Variants in DNAAF5 observed in about 807,000 individuals in gnomAD.
DNAAF5 encodes the protein dynein axonemal assembly factor 5.
In DNAAF5, 64 loss-of-function variants were observed where a neutral mutation model predicts 75.8. That is an observed-to-expected ratio of 0.84 (90% CI 0.69 to 1.04). The LOEUF (loss-of-function observed/expected upper bound fraction) is 1.04. Among genes scored for constraint, DNAAF5 ranks in the 50% least tolerant of loss-of-function variants. The pLI is 0.00. For missense variants in DNAAF5, 1,269 were observed against 1,178.5 expected (o/e 1.08, Z -1.12); for synonymous variants, 657 against 557.2 (o/e 1.18, Z -2.52).
intron 4 of DNAAF5, among the ~76,000 whole-genome samples, chr7:745,283 C>A (rs1057314066): frequency 2.6e-4 from 40 of 152,354 alleles, no homozygotes; most frequent in African/African-American, 8.2e-4. Context: ...GCAGGAATGG[C>A]AGTCCCCAAG....
At chr7:784,884 C>T (rs1779099695) in intron 12 of DNAAF5, among the ~76,000 whole-genome samples, 1 of 152,196 alleles carries the variant, frequency 6.6e-6, no homozygotes, top group African/African-American at 2.4e-5. Flanking sequence ...AGGCGATTTT[C>T]AGTTCTTTGA....
chr7:756,329 C>G (rs1466393299), intron 5 of DNAAF5, among the ~76,000 whole-genome samples: 3 of 134,762 alleles, frequency 2.2e-5, no homozygotes, highest in Non-Finnish European at 3.2e-5. Context: ...GTGTGATCCG[C>G]TGTGGAATCC....
At chr7:735,326 TG>T (rs1212116405) in intron 2 of DNAAF5, among the ~76,000 whole-genome samples, 1 of 150,264 alleles carries the variant, frequency 6.7e-6, no homozygotes, top group East Asian at 2.0e-4. Flanking sequence ...TAGTTCATGG[TG>T]TAGCTGCTCA....
Position 763,855 on chromosome 7 carries a change from G to C in DNAAF5, c.1664G>C (p.Cys555Ser). Reference protein sequence around the residue: ...SLAMVEGVSSCQDLYRKHIGP... With the variant: ...SLAMVEGVSSSQDLYRKHIGP... Reference sequence around the variant, plus strand: ...GCCATGGTGGAGGGTGTCAGCAGCTGCCAGGACCTCTACCGCAAGCACATT... The same window carrying C: ...GCCATGGTGGAGGGTGTCAGCAGCTCCCAGGACCTCTACCGCAAGCACATT... The change falls in exon 8 of 13, where the codon TGC becomes TCC. Residue 555 changes from cysteine to serine, a missense_variant. Cys to Ser is a moderately radical substitution (Grantham distance 112). Transcript: ENST00000297440. 2 of 1,613,416 alleles carry C rather than the reference G, an allele frequency of 1.2e-6. No individual in the cohort carries two copies. The highest frequency in any genetic ancestry group is 1.7e-6 in the Non-Finnish European group (2 of 1,180,038).
chr7:761,323 G>T (rs746921801), intron 6 of DNAAF5, among the ~76,000 whole-genome samples: 1 of 152,248 alleles, frequency 6.6e-6, no homozygotes, highest in Non-Finnish European at 1.5e-5. Context: ...AGCCCCGGGC[G>T]GGCTCTGTCG....
At chr7:744,405 T>G (rs1285357059) in intron 4 of DNAAF5, among the ~76,000 whole-genome samples, 1 of 152,236 alleles carries the variant, frequency 6.6e-6, no homozygotes, top group Non-Finnish European at 1.5e-5. Flanking sequence ...AACATACATG[T>G]GCCTGTGTCT....
intron 8 of DNAAF5, among the ~76,000 whole-genome samples, chr7:769,976 T>G (rs1311741696): frequency 6.6e-6 from 1 of 151,914 alleles, no homozygotes; most frequent in African/African-American, 2.4e-5. Context: ...TTTTGAGACA[T>G]AGTCTCACTT....
At chr7:774,024 C>T in intron 9 of DNAAF5, 24 bp from the exon 10 acceptor site, 1 of 1,613,972 alleles carries the variant, frequency 6.2e-7, no homozygotes, top group Non-Finnish European at 8.5e-7. Flanking sequence ...GTCTCCTCAT[C>T]CACCCTCTCC....
intron 1 of DNAAF5, 91 bp downstream of exon 1, chr7:727,406 G>A: frequency 1.6e-6 from 1 of 607,144 alleles, no homozygotes; most frequent in South Asian, 8.6e-5. Flanking sequence ...CCCGCGGCTC[G>A]GCCCCGCCCC....
At position 780,033 on chromosome 7, in the gene DNAAF5, G is replaced by A; in HGVS notation, c.2320G>A (p.Val774Ile). The change falls in exon 12 of 13, where the codon GTC (valine) becomes ATC (isoleucine). Residue 774 changes from valine (V) to isoleucine (I), a missense_variant. Physicochemically the swap from Val to Ile is conservative, Grantham distance 29. Transcript: ENST00000297440. The part of the protein sequence containing the change: ...ASTLVTWLQC[V>I]KGANAKSYYQ... Reference sequence around the variant, plus strand: ...CACCTTGGTCACCTGGCTGCAGTGTGTCAAGGGTGCCAACGCAAAATCCTA... The same window carrying A: ...CACCTTGGTCACCTGGCTGCAGTGTATCAAGGGTGCCAACGCAAAATCCTA... 10 of 1,614,228 alleles carry A rather than the reference G, an allele frequency of 6.2e-6. No homozygotes were observed. Among genetic ancestry groups the A allele is most frequent in the Non-Finnish European group, 8.5e-6 (10 of 1,180,026 alleles).
chr7:736,762 G>C lies in DNAAF5; in HGVS notation c.781-4057G>C, dbSNP rs77052714. Among the ~76,000 whole-genome samples, 711 of 152,094 alleles carry C rather than the reference G, an allele frequency of 4.7e-3. 42 individuals carry two copies. In the East Asian group the frequency reaches 0.13, roughly 27 times the overall value. On this transcript the variant is annotated intron_variant, in intron 2 of 12. Transcript: ENST00000297440. ...CGTTTTGTTGTTTTCTGGTTGTTTC[G>C]TGGTCTGCTCTTCCTTCCTTCTTGC...
intron 2 of DNAAF5, among the ~76,000 whole-genome samples, chr7:734,569 A>G (rs1781677733): frequency 6.6e-6 from 1 of 152,234 alleles, no homozygotes; most frequent in Non-Finnish European, 1.5e-5. Context: ...TGGTTCTGGT[A>G]TCAGGGTAGT....
intron 6 of DNAAF5, among the ~76,000 whole-genome samples, chr7:759,739 G>A (rs913424817): frequency 3.9e-5 from 6 of 152,126 alleles, no homozygotes; most frequent in Admixed American, 1.3e-4. Flanking sequence ...TGCTGCGTTC[G>A]TGGCAGGAGG....
intron 4 of DNAAF5, among the ~76,000 whole-genome samples, chr7:752,723 T>G (rs1201852883): frequency 6.6e-6 from 1 of 152,250 alleles, no homozygotes; most frequent in Non-Finnish European, 1.5e-5. Context: ...TAAAGCAATG[T>G]GTGGACTTCA....
chr7:770,845 C>T, intron 9 of DNAAF5: 1 of 485,938 alleles, frequency 2.1e-6, no homozygotes, highest in Non-Finnish European at 3.7e-6. Context: ...GGGTCCCCAC[C>T]TCCCTCCCCC....
intron 6 of DNAAF5, among the ~76,000 whole-genome samples, chr7:757,844 G>A (rs544244687): frequency 6.6e-5 from 10 of 152,254 alleles, no homozygotes; most frequent in East Asian, 1.9e-4. Context: ...GCTCCGGCTC[G>A]ATCGTTTCCG....
In DNAAF5 at chr7:775,101, C is replaced by T. The variant is rs886836312; in HGVS notation, c.2178C>T (p.Asn726=). ...GACTGATCTCATGCCGTATTATCAACACGTTCTTAAAAACCTCGGGCGGCA... is the reference window on the plus strand; with the variant it reads ...GACTGATCTCATGCCGTATTATCAATACGTTCTTAAAAACCTCGGGCGGCA... ...MTRLISCRII[N]TFLKTSGGMT... is the part of the protein sequence containing the mutation. The change falls in exon 11 of 13, where the codon AAC becomes AAT. Residue 726 remains asparagine (N), a synonymous_variant. Coordinates refer to ENST00000297440, the MANE Select transcript of DNAAF5 (RefSeq NM_017802.4). 5 of 1,613,994 alleles carry T rather than the reference C, an allele frequency of 3.1e-6. No individual in the cohort carries two copies. In the African/African-American group the frequency reaches 6.7e-5, roughly 22 times the overall value.
intron 4 of DNAAF5, among the ~76,000 whole-genome samples, chr7:745,800 G>A (rs1276874690): frequency 1.3e-5 from 2 of 152,272 alleles, no homozygotes; most frequent in Non-Finnish European, 2.9e-5. Flanking sequence ...CTGCTAGTAG[G>A]TTCCCGGAAG....
At chr7:747,576 G>A (rs904053374) in intron 4 of DNAAF5, among the ~76,000 whole-genome samples, 9 of 151,130 alleles carry the variant, frequency 6.0e-5, no homozygotes, top group Non-Finnish European at 1.0e-4. Context: ...CTGGTGTGCA[G>A]TGTTGTCACA....
Sources: allele counts gnomAD v4.1 joint callset (sites outside exome capture counted in the v4.1 genomes callset), GRCh38; gene constraint gnomAD v4.1.1; transcripts MANE v1.5; gene names NCBI Gene and HGNC (gene_info 2026-07-23, HGNC 2026-07-21).